Variants in PTPRR observed in about 807,000 individuals in gnomAD.
The protein encoded by PTPRR is protein tyrosine phosphatase receptor type R, also known as receptor-type tyrosine-protein phosphatase R.
A neutral mutation model predicts 77.2 loss-of-function variants in PTPRR; 38 were observed. The ratio of observed to expected loss-of-function variants is 0.49; its 90% confidence interval spans 0.38 to 0.65. The LOEUF is 0.65. Ranked by LOEUF, PTPRR falls within the 30% of genes least tolerant of loss-of-function variation. The pLI is 0.00. For synonymous variants in PTPRR, 299 were observed against 283.1 expected (o/e 1.06, Z -0.57); for missense variants, 744 against 799.2 (o/e 0.93, Z 0.83).
intron 2 of PTPRR, among the ~76,000 whole-genome samples, chr12:70,770,452 A>G (rs2136981425): frequency 6.6e-6 from 1 of 152,332 alleles, no homozygotes; most frequent in East Asian, 1.9e-4. Flanking sequence ...AATCATAACC[A>G]CAATGAGATA....
At chr12:70,661,704 T>G (rs531596213) in intron 11 of PTPRR, among the ~76,000 whole-genome samples, 4 of 152,314 alleles carry the variant, frequency 2.6e-5, no homozygotes, top group African/African-American at 9.6e-5. Flanking sequence ...GAACATGTGT[T>G]GAAAAATAAG....
At chr12:70,708,720 TA>T (rs1351915932) in intron 6 of PTPRR, among the ~76,000 whole-genome samples, 2 of 151,766 alleles carry the variant, frequency 1.3e-5, no homozygotes, top group African/African-American at 4.8e-5. Flanking sequence ...AAAAAGATGC[TA>T]AAAAAATTAA....
intron 3 of PTPRR, among the ~76,000 whole-genome samples, chr12:70,762,181 A>G (rs955012691): frequency 2.0e-5 from 3 of 152,136 alleles, no homozygotes; most frequent in Admixed American, 2.0e-4. Flanking sequence ...ATTTGGTGGA[A>G]ATGCATATCT....
chr12:70,878,784 A>C (rs1893098005), intron 2 of PTPRR, among the ~76,000 whole-genome samples: 1 of 152,246 alleles, frequency 6.6e-6, no homozygotes, highest in Non-Finnish European at 1.5e-5. Flanking sequence ...TCAAGCTGCT[A>C]TAAAGGCACA....
rs914964922 is a variant in PTPRR, at chr12:70,788,969, G to A, written c.358-24191C>T. 25 of 1,170,414 alleles carry A rather than the reference G, an allele frequency of 2.1e-5. No individual in the cohort carries two copies. In the African/African-American group the frequency reaches 3.1e-4, roughly 14 times the overall value. 72.5% of individuals were successfully genotyped at this position (1,170,414 alleles called of 1,614,324 possible). On this transcript the variant is annotated intron_variant, in intron 2 of 13. Coordinates refer to ENST00000283228, the MANE Select transcript of PTPRR (RefSeq NM_002849.4). ...CTCATTTAGTCACCTGGAGGTAACC[G>A]CCTGGTACTGTTTCTAGAGACACTG... is the stretch of plus-strand genomic sequence containing the variant.
At chr12:70,900,625 A>T (rs577062814) in intron 1 of PTPRR, among the ~76,000 whole-genome samples, 2 of 151,660 alleles carry the variant, frequency 1.3e-5, no homozygotes, top group South Asian at 4.1e-4. Flanking sequence ...CAAACCACAC[A>T]TCTGATAAGG....
intron 6 of PTPRR, among the ~76,000 whole-genome samples, chr12:70,720,522 T>TA (rs1239161902): frequency 6.6e-6 from 1 of 151,424 alleles, no homozygotes; most frequent in African/African-American, 2.4e-5. Context: ...TTTTTTTTTT[T>TA]TTTTTTTGAG....
intron 2 of PTPRR, among the ~76,000 whole-genome samples, chr12:70,808,957 CT>C (rs1891759927): frequency 1.3e-5 from 2 of 152,104 alleles, no homozygotes; most frequent in Non-Finnish European, 2.9e-5. Flanking sequence ...TGATTTCTTT[CT>C]GTTTGATTTA....
intron 6 of PTPRR, among the ~76,000 whole-genome samples, chr12:70,740,407 C>T (rs112535923): frequency 0.023 from 3,458 of 151,306 alleles, 138 homozygotes; most frequent in African/African-American, 0.079. Flanking sequence ...GGGTCTCACT[C>T]TGTCACCCAG....
chr12:70,641,722 T>C (rs1274835583), intron 13 of PTPRR, among the ~76,000 whole-genome samples: 1 of 152,214 alleles, frequency 6.6e-6, no homozygotes, highest in Non-Finnish European at 1.5e-5. Flanking sequence ...AATATAGCTT[T>C]TTTAGAAATC....
chr12:70,861,119 C>T (rs757274678), intron 2 of PTPRR, among the ~76,000 whole-genome samples: 61 of 152,076 alleles, frequency 4.0e-4, no homozygotes, highest in Non-Finnish European at 8.8e-5. Context: ...ACGAAGAACT[C>T]CTGCAAACTA....
chr12:70,840,899 T>A (rs956060105), intron 2 of PTPRR, among the ~76,000 whole-genome samples: 1 of 151,584 alleles, frequency 6.6e-6, no homozygotes, highest in Non-Finnish European at 1.5e-5. Flanking sequence ...TACTATGAAG[T>A]CACCGTGCCA....
At chr12:70,654,179 A>G (rs529217236) in intron 13 of PTPRR, among the ~76,000 whole-genome samples, 1 of 152,194 alleles carries the variant, frequency 6.6e-6, no homozygotes, top group African/African-American at 2.4e-5. Flanking sequence ...AGTGTTTTAC[A>G]TATATTATCT....
At position 70,782,927 on chromosome 12, in the gene PTPRR, A is replaced by G. The variant is rs184021214; in HGVS notation, c.358-18149T>C. Among the ~76,000 whole-genome samples, 296 of 152,320 alleles carry G rather than the reference A, an allele frequency of 1.9e-3. 1 individual carries two copies. Among genetic ancestry groups the G allele is most frequent in the African/African-American group, 6.5e-3 (272 of 41,574 alleles). On this transcript the variant is annotated intron_variant, in intron 2 of 13. Transcript: ENST00000283228. ...CAGACTTGGGTTCAAACCTGGGTTG[A>G]GTGGCCTTGGTCAAATTTCTTCTCA...
rs543077043 is a variant in PTPRR at position 70,702,352 on chromosome 12, G to A, written c.1008-1029C>T. ...GTTTACAAAAACTGTTACATTTAAA[G>A]GGGCCGTAGGTGTGTGTCAGATCAA... is the stretch of plus-strand genomic sequence containing the variant. On this transcript the variant is annotated intron_variant, in intron 6 of 13. Coordinates refer to ENST00000283228, the MANE Select transcript of PTPRR (RefSeq NM_002849.4). 1.6e-4 allele frequency among the ~76,000 whole-genome samples: 25 copies of A among 152,158 alleles called. No homozygotes were observed. The South Asian group carries it at 1.7e-3, about 10-fold the overall frequency.
intron 1 of PTPRR, among the ~76,000 whole-genome samples, chr12:70,893,776 T>C (rs1418646992): frequency 6.6e-6 from 1 of 151,942 alleles, no homozygotes; most frequent in African/African-American, 2.4e-5. Context: ...CAAAATATTC[T>C]GATCCCTGAT....
chr12:70,789,024 G>T, intron 2 of PTPRR: 1 of 574,094 alleles, frequency 1.7e-6, no homozygotes, highest in Non-Finnish European at 2.8e-6. Flanking sequence ...AGCAGCCTGT[G>T]CTTTCCCAAG....
At chr12:70,887,244 G>A (rs1179985234) in intron 2 of PTPRR, among the ~76,000 whole-genome samples, 5 of 152,024 alleles carry the variant, frequency 3.3e-5, no homozygotes, top group Admixed American at 2.6e-4. Flanking sequence ...GAGGTCAGGA[G>A]TTTGAGACCA....
At chr12:70,759,546 T>C (rs941679611) in intron 4 of PTPRR, among the ~76,000 whole-genome samples, 1 of 151,568 alleles carries the variant, frequency 6.6e-6, no homozygotes, top group African/African-American at 2.4e-5. Flanking sequence ...CTGGGCGTGG[T>C]GGCAGGCGCC....
Sources: gnomAD v4.1 joint callset for allele counts (sites outside exome capture counted in the v4.1 genomes callset) on GRCh38, gnomAD v4.1.1 for gene constraint, MANE v1.5 for transcripts, NCBI Gene and HGNC (gene_info 2026-07-23, HGNC 2026-07-21) for gene names.